Variants in ROBO2 observed in about 807,000 individuals in gnomAD.
The protein encoded by ROBO2 is roundabout guidance receptor 2.
In ROBO2, 53 loss-of-function variants were observed where a neutral mutation model predicts 160.8. That is an observed-to-expected ratio of 0.33 (90% CI 0.26 to 0.41). The LOEUF is 0.41. Among genes scored for constraint, ROBO2 ranks in the 10% least tolerant of loss-of-function variants. The pLI, the probability that ROBO2 is intolerant of heterozygous loss-of-function variation, is 1.00. For missense variants in ROBO2, 1,577 were observed against 1,722.4 expected, an observed-to-expected ratio of 0.92 and a Z score of 1.49; for synonymous variants, 664 against 611.7, an observed-to-expected ratio of 1.09 and a Z score of -1.26.
chr3:77,118,165 A>T (rs144296561), intron 2 of ROBO2, among the ~76,000 whole-genome samples: 1 of 152,178 alleles, frequency 6.6e-6, no homozygotes, highest in African/African-American at 2.4e-5. Flanking sequence ...TTTCTTCTAT[A>T]GTTCTGTGGA....
intron 2 of ROBO2, among the ~76,000 whole-genome samples, chr3:77,219,829 G>A (rs189054844): frequency 5.9e-5 from 9 of 151,466 alleles, no homozygotes; most frequent in Admixed American, 2.6e-4. Flanking sequence ...AAAATTTGTA[G>A]ATCTTTGAAA....
chr3:76,809,243 T>G (rs1353178948), intron 2 of ROBO2, among the ~76,000 whole-genome samples: 1 of 152,142 alleles, frequency 6.6e-6, no homozygotes, highest in African/African-American at 2.4e-5. Context: ...GGGAAAAGTC[T>G]TCTTCAAGCT....
intron 2 of ROBO2, among the ~76,000 whole-genome samples, chr3:76,850,861 C>T (rs1283509004): frequency 3.3e-5 from 5 of 152,188 alleles, no homozygotes; most frequent in African/African-American, 1.2e-4. Flanking sequence ...GGCACCTAAG[C>T]TCTGGTCCTT....
intron 2 of ROBO2, among the ~76,000 whole-genome samples, chr3:76,270,583 C>G (rs1014520788): frequency 6.6e-6 from 1 of 152,006 alleles, no homozygotes; most frequent in East Asian, 1.9e-4. Context: ...CTGGATGCAG[C>G]TTAGATTCGT....
rs548678119 is a variant in ROBO2 at position 77,370,021 on chromosome 3, A to G, written c.389-107393A>G. ...ATACATTGTAGATGCAACAAGAGTG[A>G]TGCAAGTCAGATTTAGAAGACCAGG... On this transcript the variant is annotated intron_variant, in intron 2 of 25. Transcript: ENST00000461745. Among the ~76,000 whole-genome samples, 7 of 152,338 alleles carry G rather than the reference A, an allele frequency of 4.6e-5. No individual in the cohort carries two copies. The East Asian group carries it at 1.4e-3, about 29-fold the overall frequency.
intron 2 of ROBO2, among the ~76,000 whole-genome samples, chr3:77,424,310 G>A (rs4459877): frequency 0.079 from 11,963 of 152,122 alleles, 547 homozygotes; most frequent in African/African-American, 0.11. Flanking sequence ...TATGAGTAAA[G>A]CATTGACAGA....
rs150478427 is a variant in ROBO2, at chr3:76,323,971, A to G, written c.109+386369A>G. ...GAAGCTTTTTCTGTTTCAGGTCACT[A>G]TTATTCTGAATAATACATAAACATT... On this transcript the variant is annotated intron_variant, in intron 2 of 26. Coordinates refer to the ROBO2 transcript ENST00000487694. 3.0e-3 allele frequency among the ~76,000 whole-genome samples: 460 copies of G among 152,308 alleles called. 1 individual carries two copies. Among genetic ancestry groups the G allele is most frequent in the African/African-American group, 0.01 (421 of 41,580 alleles).
intron 2 of ROBO2, among the ~76,000 whole-genome samples, chr3:76,061,622 C>T (rs1014371508): frequency 6.6e-6 from 1 of 152,248 alleles, no homozygotes; most frequent in South Asian, 2.1e-4. Flanking sequence ...TGATATACAG[C>T]TGGAAGCACC....
chr3:76,955,927 T>G (rs2079223457), intron 2 of ROBO2, among the ~76,000 whole-genome samples: 1 of 151,774 alleles, frequency 6.6e-6, no homozygotes, highest in Non-Finnish European at 1.5e-5. Flanking sequence ...CACATTTACT[T>G]CCATCTTAAA....
At chr3:76,073,208 A>G (rs2068519733) in intron 2 of ROBO2, among the ~76,000 whole-genome samples, 1 of 145,056 alleles carries the variant, frequency 6.9e-6, no homozygotes, top group Non-Finnish European at 1.5e-5. Flanking sequence ...TAAAACATTT[A>G]ATTTCTTTAA....
chr3:76,042,308 T>C (rs62267243), intron 2 of ROBO2, among the ~76,000 whole-genome samples: 20,812 of 152,000 alleles, frequency 0.14, 1,615 homozygotes, highest in African/African-American at 0.15. Flanking sequence ...GTTGTCTTTT[T>C]GAAACAGTAG....
intron 2 of ROBO2, among the ~76,000 whole-genome samples, chr3:76,833,676 G>T (rs531890411): frequency 3.3e-5 from 5 of 152,158 alleles, no homozygotes; most frequent in African/African-American, 7.2e-5. Context: ...ACATTCTTTT[G>T]ATGTCCTCTT....
At chr3:77,219,125 C>T (rs1275879617) in intron 2 of ROBO2, among the ~76,000 whole-genome samples, 4 of 151,636 alleles carry the variant, frequency 2.6e-5, no homozygotes, top group African/African-American at 4.8e-5. Flanking sequence ...CCTACCAGCA[C>T]GCCCCGCTAA....
chr3:76,853,780 C>A (rs1288913789), intron 2 of ROBO2, among the ~76,000 whole-genome samples: 4 of 152,076 alleles, frequency 2.6e-5, no homozygotes, highest in Admixed American at 6.5e-5. Context: ...TAAACTCAGA[C>A]TTTTCATAAT....
chr3:76,054,805 T>C (rs2067779575), intron 2 of ROBO2, among the ~76,000 whole-genome samples: 1 of 152,224 alleles, frequency 6.6e-6, no homozygotes. Context: ...AGAGATTTTC[T>C]AGCTGTCCTC....
chr3:75,984,217 T>G (rs1358088568), intron 2 of ROBO2, among the ~76,000 whole-genome samples: 2 of 151,598 alleles, frequency 1.3e-5, no homozygotes, highest in African/African-American at 4.8e-5. Context: ...ACATATGTAC[T>G]AATTAAAAAC....
chr3:76,403,367 T>A lies in ROBO2; in HGVS notation c.109+465765T>A, dbSNP rs1487067535. ...TACTTGAAACTTAAAAATATTTGTC[T>A]ATGTTATTATTAAATAATCTATTTT... On this transcript the variant is annotated intron_variant, in intron 2 of 26. Coordinates refer to the ROBO2 transcript ENST00000487694. Among the ~76,000 whole-genome samples, 11 of 151,810 alleles carry A rather than the reference T, an allele frequency of 7.2e-5. No homozygotes were observed. In the East Asian group the frequency reaches 1.9e-3, roughly 27 times the overall value.
At chr3:77,584,297 C>A (rs1215944668) in intron 16 of ROBO2, among the ~76,000 whole-genome samples, 1 of 152,098 alleles carries the variant, frequency 6.6e-6, no homozygotes, top group Non-Finnish European at 1.5e-5. Context: ...GGAAAGAAAG[C>A]CTCACCCCTG....
intron 2 of ROBO2, among the ~76,000 whole-genome samples, chr3:77,223,083 C>T (rs1208808306): frequency 6.6e-6 from 1 of 152,252 alleles, no homozygotes; most frequent in Non-Finnish European, 1.5e-5. Context: ...CCGTTTTATT[C>T]ACCCTGAAAG....
Sources: allele counts gnomAD v4.1 joint callset (sites outside exome capture counted in the v4.1 genomes callset), GRCh38; gene constraint gnomAD v4.1.1; transcripts MANE v1.5; gene names NCBI Gene and HGNC (gene_info 2026-07-23, HGNC 2026-07-21).